The following GALK2 variants were observed in gnomAD, a reference collection of about 807,000 sequenced individuals.
The protein encoded by GALK2 is N-acetylgalactosamine kinase.
A neutral mutation model predicts 52.4 loss-of-function variants in GALK2; 36 were observed. The ratio of observed to expected loss-of-function variants is 0.69; its 90% CI spans 0.53 to 0.91. The LOEUF is 0.91. Ranked by LOEUF, GALK2 falls within the 40% of genes least tolerant of loss-of-function variation. The pLI is 0.00. For synonymous variants in GALK2, 176 were observed against 199.1 expected (o/e 0.88, Z 0.98); for missense variants, 579 against 559.1 (o/e 1.04, Z -0.36).
chr15:49,247,148 T>C (rs1256658772), intron 5 of GALK2, among the ~76,000 whole-genome samples: 1 of 151,924 alleles, frequency 6.6e-6, no homozygotes, highest in Admixed American at 6.6e-5. Context: ...GAACAGCAAG[T>C]GCAAAAGCCC....
chr15:49,171,855 T>C (rs1278279601), intron 1 of GALK2, among the ~76,000 whole-genome samples: 1 of 151,098 alleles, frequency 6.6e-6, no homozygotes, highest in Non-Finnish European at 1.5e-5. Flanking sequence ...CACTGCAACC[T>C]CCACCTCCCA....
At chr15:49,256,530 C>G (rs1453962257) in intron 5 of GALK2, among the ~76,000 whole-genome samples, 1 of 152,178 alleles carries the variant, frequency 6.6e-6, no homozygotes, top group Non-Finnish European at 1.5e-5. Context: ...AAAAGATAAA[C>G]AGTACAGTCC....
rs140886611 is a variant in GALK2, at chr15:49,291,553, A to T, written c.757-774A>T. 6.6e-4 allele frequency among the ~76,000 whole-genome samples: 100 copies of T among 152,288 alleles called. No homozygotes were observed. The East Asian group carries it at 0.018, about 27-fold the overall frequency. On this transcript the variant is annotated intron_variant, in intron 7 of 9. Coordinates refer to ENST00000560031, the MANE Select transcript of GALK2 (RefSeq NM_002044.4). ...GGCAATGAATATTGTAGACCTCAGGATAAGAGAAATCCTCACTGTTTTGAT... is the reference window on the plus strand; with the variant it reads ...GGCAATGAATATTGTAGACCTCAGGTTAAGAGAAATCCTCACTGTTTTGAT...
Position 49,328,352 on chromosome 15 carries a change from T to C in GALK2, c.*193T>C, listed in dbSNP as rs576306720. 7.0e-6 allele frequency: 10 copies of C among 1,429,344 alleles called. No homozygotes were observed. The highest frequency in any genetic ancestry group is 1.6e-5 in the South Asian group (1 of 63,972). 88.5% of individuals were successfully genotyped at this position (1,429,344 alleles called of 1,614,324 possible). ...ATGATTCTTTTTCCATCTTAAAATATGGTTTTACTATTAAGAGCCAAGATC... is the reference window on the plus strand; with the variant it reads ...ATGATTCTTTTTCCATCTTAAAATACGGTTTTACTATTAAGAGCCAAGATC... On this transcript the variant is annotated 3_prime_UTR_variant, in exon 10 of 10. Transcript: ENST00000560031.
intron 8 of GALK2, among the ~76,000 whole-genome samples, chr15:49,292,990 T>C (rs920231098): frequency 3.3e-5 from 5 of 152,206 alleles, no homozygotes; most frequent in Non-Finnish European, 5.9e-5. Context: ...ATTAACTTTA[T>C]TTTTATACCA....
intron 3 of GALK2, among the ~76,000 whole-genome samples, chr15:49,231,324 G>A (rs774782506): frequency 6.6e-5 from 10 of 152,106 alleles, no homozygotes; most frequent in Non-Finnish European, 1.0e-4. Context: ...ACTGTATCAC[G>A]AGAAGAGTAC....
chr15:49,170,311 A>G lies in GALK2; in HGVS notation c.-12A>G. On this transcript the variant is annotated 5_prime_UTR_variant, in exon 1 of 10. Coordinates refer to ENST00000560031, the MANE Select transcript of GALK2 (RefSeq NM_002044.4). ...ACTTGAAACTACAGGAGAAAGAAGG[A>G]TCTAGCGAAATATGGCTACAGAGAG... is the stretch of plus-strand genomic sequence containing the variant. 1 of 1,579,186 alleles carries G rather than the reference A, an allele frequency of 6.3e-7. No homozygotes were observed. Among genetic ancestry groups the G allele is most frequent in the Non-Finnish European group, 8.6e-7 (1 of 1,162,178 alleles).
intron 1 of GALK2, among the ~76,000 whole-genome samples, chr15:49,197,569 A>C (rs2087345226): frequency 6.6e-6 from 1 of 152,194 alleles, no homozygotes; most frequent in South Asian, 2.1e-4. Context: ...CATAGCATGA[A>C]GGTAGTTTTA....
chr15:49,259,707 C>T (rs2092000166), intron 5 of GALK2, among the ~76,000 whole-genome samples: 1 of 148,230 alleles, frequency 6.7e-6, no homozygotes, highest in Admixed American at 6.8e-5. Flanking sequence ...TTAGGTATAT[C>T]TCCCAATGCT....
chr15:49,179,736 C>T (rs73390372), intron 1 of GALK2, among the ~76,000 whole-genome samples: 2,548 of 150,886 alleles, frequency 0.017, 68 homozygotes, highest in African/African-American at 0.06. Flanking sequence ...ATACTTTGGC[C>T]AATTCCCCAT....
At chr15:49,223,614 C>T (rs2089957863) in intron 3 of GALK2, among the ~76,000 whole-genome samples, 1 of 152,094 alleles carries the variant, frequency 6.6e-6, no homozygotes, top group South Asian at 2.1e-4. Flanking sequence ...TATTTAGCTC[C>T]CACTTATAAG....
At chr15:49,166,296 G>A (rs560516399), upstream of GALK2, among the ~76,000 whole-genome samples, 15 of 151,972 alleles carry the variant, frequency 9.9e-5, no homozygotes, top group Non-Finnish European at 1.8e-4. Context: ...ATCTATGTTC[G>A]GTTAAAGCAT....
At chr15:49,354,770 C>T (rs2042834140) in intron 3 of GALK2, among the ~76,000 whole-genome samples, 1 of 152,012 alleles carries the variant, frequency 6.6e-6, no homozygotes, top group Non-Finnish European at 1.5e-5. Context: ...CCTCTGTAGG[C>T]TCCACCTCTG....
intron 3 of GALK2, among the ~76,000 whole-genome samples, chr15:49,355,887 A>C (rs963718824): frequency 6.6e-6 from 1 of 152,162 alleles, no homozygotes; most frequent in African/African-American, 2.4e-5. Context: ...CTAACAGTGG[A>C]TCTCTCGGCA....
In GALK2 at chr15:49,239,393, A is replaced by G. The variant is rs982218295; in HGVS notation, c.504+26A>G. 3.1e-6 allele frequency: 5 copies of G among 1,605,260 alleles called. No individual in the cohort carries two copies. In the African/African-American group the frequency reaches 6.7e-5, roughly 21 times the overall value. ...GTAACTACCTTTGATAGGAAACCTC[A>G]TAGAACCCTCTCCTAATAATCATTA... On this transcript the variant is annotated intron_variant, in intron 5 of 9. Transcript: ENST00000560031.
intron 2 of GALK2, among the ~76,000 whole-genome samples, chr15:49,215,882 G>T (rs893473773): frequency 1.3e-5 from 2 of 152,176 alleles, no homozygotes; most frequent in Non-Finnish European, 2.9e-5. Context: ...TCTTGAGAAG[G>T]CTTTTCATGT....
chr15:49,308,736 A>AT (rs1405345431), intron 8 of GALK2, among the ~76,000 whole-genome samples: 4 of 152,158 alleles, frequency 2.6e-5, no homozygotes, highest in Admixed American at 2.0e-4. Context: ...ACCCTTCAAG[A>AT]AGGGCATACA....
intron 9 of GALK2, among the ~76,000 whole-genome samples, chr15:49,321,894 T>C (rs960696020): frequency 1.3e-5 from 2 of 152,202 alleles, no homozygotes; most frequent in Non-Finnish European, 2.9e-5. Flanking sequence ...CATTTGAACA[T>C]TAAGCAAAGT....
chr15:49,356,132 A>C (rs1426087039), intron 3 of GALK2, among the ~76,000 whole-genome samples: 2 of 152,192 alleles, frequency 1.3e-5, no homozygotes, highest in African/African-American at 2.4e-5. Flanking sequence ...GCCGCTGTAA[A>C]ATCATGCCAA....
Sources: gnomAD v4.1 joint callset for allele counts (sites outside exome capture counted in the v4.1 genomes callset) on GRCh38, gnomAD v4.1.1 for gene constraint, MANE v1.5 for transcripts, NCBI Gene and HGNC (gene_info 2026-07-23, HGNC 2026-07-21) for gene names.